CCNB3: variants seen among roughly 807,000 people sequenced by gnomAD.
The protein encoded by CCNB3 is G2/mitotic-specific cyclin-B3.
In CCNB3, 12 loss-of-function variants were observed where a neutral mutation model predicts 68.0. That is an observed-to-expected ratio of 0.18 (90% confidence interval 0.11 to 0.29). CCNB3 has a LOEUF of 0.29. Ranked by LOEUF, CCNB3 falls within the 10% of genes least tolerant of loss-of-function variation. The pLI is 1.00. For synonymous variants in CCNB3, 354 were observed against 388.9 expected (o/e 0.91, Z 1.06); for missense variants, 904 against 993.1 (o/e 0.91, Z 1.21).
chrX:50,210,582 T>G (rs1296309637), intron 1 of CCNB3, among the ~76,000 whole-genome samples: 1 of 111,604 alleles, frequency 9.0e-6, no homozygotes, highest in Admixed American at 9.6e-5. Context: ...GTTACTTGTC[T>G]ACAATGATGA....
At chrX:50,205,533 C>A (rs1935342048) in intron 1 of CCNB3, among the ~76,000 whole-genome samples, 2 of 111,813 alleles carry the variant, frequency 1.8e-5, no homozygotes, top group Middle Eastern at 9.4e-3. Context: ...ATGTATTAAA[C>A]ATTACAGCTG....
intron 8 of CCNB3, among the ~76,000 whole-genome samples, chrX:50,318,523 C>T (rs782412651): frequency 1.1e-4 from 12 of 111,694 alleles, no homozygotes; most frequent in Non-Finnish European, 1.7e-4. Flanking sequence ...AAAACAACAA[C>T]AACAACAACA....
At chrX:50,299,664 C>A (rs1936576498) in intron 5 of CCNB3, among the ~76,000 whole-genome samples, 1 of 110,984 alleles carries the variant, frequency 9.0e-6, no homozygotes, top group South Asian at 3.8e-4. Context: ...TGGTGCAGAG[C>A]TGAGTTCAAT....
chrX:50,297,968 T>C (rs1557211524), intron 5 of CCNB3, among the ~76,000 whole-genome samples: 1 of 112,046 alleles, frequency 8.9e-6, no homozygotes, highest in African/African-American at 3.2e-5. Context: ...TTGTGATTTT[T>C]GCACATGGAT....
chrX:50,299,017 C>G (rs1363123707), intron 5 of CCNB3, among the ~76,000 whole-genome samples: 2 of 111,301 alleles, frequency 1.8e-5, no homozygotes, highest in Non-Finnish European at 3.8e-5. Flanking sequence ...TTTGATTCTT[C>G]TCTGTTTTCT....
intron 9 of CCNB3, among the ~76,000 whole-genome samples, chrX:50,344,658 T>C (rs1473530355): frequency 8.9e-6 from 1 of 111,959 alleles, no homozygotes; most frequent in African/African-American, 3.3e-5. Context: ...GGAGTCTCAA[T>C]CTGCTTATAT....
chrX:50,227,017 A>C (rs1463972131), intron 1 of CCNB3, among the ~76,000 whole-genome samples: 1 of 79,128 alleles, frequency 1.3e-5, no homozygotes, highest in Non-Finnish European at 2.2e-5. Flanking sequence ...AAAATATATA[A>C]AATATATATA....
intron 1 of CCNB3, among the ~76,000 whole-genome samples, chrX:50,212,129 C>T (rs1448941981): frequency 2.5e-4 from 28 of 112,117 alleles, no homozygotes; most frequent in Middle Eastern, 4.2e-3. Flanking sequence ...TCACATTCTG[C>T]CTTGTGGTGT....
intron 5 of CCNB3, among the ~76,000 whole-genome samples, chrX:50,305,382 G>A (rs1419879656): frequency 1.1e-4 from 12 of 111,108 alleles, no homozygotes; most frequent in Non-Finnish European, 2.3e-4. Context: ...GGAAACCACT[G>A]TTCTCAGCAA....
At chrX:50,226,822 A>C (rs1444861279) in intron 1 of CCNB3, among the ~76,000 whole-genome samples, 2 of 78,561 alleles carry the variant, frequency 2.5e-5, no homozygotes, top group Non-Finnish European at 4.5e-5. Flanking sequence ...ATATATAAAT[A>C]TATACATGAA....
Position 50,294,872 on chromosome X carries a change from T to C in CCNB3, c.214T>C (p.Cys72Arg). The C allele has an allele frequency of 8.3e-7, 1 of 1,201,119 alleles. No individual in the cohort carries two copies. Among genetic ancestry groups the C allele is most frequent in the Non-Finnish European group, 1.1e-6 (1 of 890,798 alleles). ...AFEDLTNASQ[C>R]QPVQPKKEAN... is the part of the protein sequence containing the mutation. The stretch of plus-strand genomic sequence containing the variant: ...ACCTTTTTTTTTGCAGGCTTCTCAA[T>C]GTCAACCTGTCCAGCCCAAGAAAGA... The change falls in exon 5 of 13, where the codon TGT becomes CGT. Residue 72 changes from cysteine (C) to arginine (R), a missense_variant. Cys to Arg is a radical substitution (Grantham distance 180, BLOSUM62 -3). Around this residue, in one of 2 missense-constraint regions of CCNB3, gnomAD observed 619 missense variants for 609.8 expected, o/e 1.02. Coordinates refer to ENST00000376042, the MANE Select transcript of CCNB3 (RefSeq NM_033031.3).
Position 50,227,816 on chromosome X carries a change from A to G in CCNB3, c.-113+22866A>G, listed in dbSNP as rs1227307117. ...ATATATAGAGAATAAATATAAATAT[A>G]TAGAGAATATATAAATATATATAGA... is the stretch of plus-strand genomic sequence containing the variant. On this transcript the variant is annotated intron_variant, in intron 1 of 12. Transcript: ENST00000376042. Among the ~76,000 whole-genome samples the G allele has an allele frequency of 7.5e-3, 644 of 86,107 alleles. 9 individuals carry two copies. Among genetic ancestry groups the G allele is most frequent in the Middle Eastern group, 0.035 (2 of 57 alleles). The allele number at this position is 86,107 out of a possible 115,157, so 74.8% of individuals were successfully genotyped here.
At chrX:50,217,529 C>T (rs1935597827) in intron 1 of CCNB3, among the ~76,000 whole-genome samples, 1 of 110,727 alleles carries the variant, frequency 9.0e-6, no homozygotes, top group African/African-American at 3.3e-5. Flanking sequence ...ACCTTGGCCT[C>T]CCAAAGTGCT....
At chrX:50,222,893 C>T (rs1398980874) in intron 1 of CCNB3, among the ~76,000 whole-genome samples, 1 of 111,646 alleles carries the variant, frequency 9.0e-6, no homozygotes. Flanking sequence ...CTGTCACTTT[C>T]AGGTACACGA....
In CCNB3 at chrX:50,344,081, A is replaced by AAATCTTTTAAAT. The variant is rs1923273899; in HGVS notation, c.3654+1742_3654+1743insAATCTTTTAAAT. On this transcript the variant is annotated intron_variant, in intron 9 of 12. Coordinates refer to ENST00000376042, the MANE Select transcript of CCNB3 (RefSeq NM_033031.3). ...ATCTTTTATGCTGTATTGTTACTGT[A>AAATCTTTTAAAT]CTTTTTCTGTTTAGATAGCCTAAAC... Among the ~76,000 whole-genome samples, 6 of 112,179 alleles carry AAATCTTTTAAAT rather than the reference A, an allele frequency of 5.3e-5. 1 individual carries two copies. In the South Asian group the frequency reaches 2.2e-3, roughly 42 times the overall value.
chrX:50,295,856 C>T (rs1477153291), intron 5 of CCNB3, among the ~76,000 whole-genome samples: 1 of 111,073 alleles, frequency 9.0e-6, no homozygotes, highest in Non-Finnish European at 1.9e-5. Flanking sequence ...TGGTGCGGTG[C>T]CATACTGGTT....
intron 9 of CCNB3, among the ~76,000 whole-genome samples, chrX:50,343,865 A>G (rs1008728113): frequency 2.2e-4 from 25 of 112,463 alleles, no homozygotes; most frequent in Admixed American, 2.2e-3. Context: ...TTAATTTATT[A>G]TCGAAGAAAA....
intron 1 of CCNB3, among the ~76,000 whole-genome samples, chrX:50,228,643 TATATATAGA>T (rs1363524648): frequency 2.6e-3 from 218 of 82,372 alleles, no homozygotes; most frequent in Non-Finnish European, 4.3e-3. Flanking sequence ...ACATATAGAA[TATATATAGA>T]ATATATAGAA....
Position 50,351,668 on chromosome X carries a change from A to G in CCNB3, c.4153A>G (p.Asn1385Asp), listed in dbSNP as rs1557221212. ...LDMLKLEEIL[N>D]CDCEAQGLVL ...TATGTTGAAGCTGGAGGAGATTTTG[A>G]ACTGTGATTGTGAGGCTCAGGGCCT... The change falls in exon 13 of 13, where the codon AAC becomes GAC. Residue 1385 changes from asparagine to aspartate, a missense_variant. By Grantham distance (23) the Asn-to-Asp change is conservative. Coordinates refer to ENST00000376042, the MANE Select transcript of CCNB3 (RefSeq NM_033031.3). 1 of 1,211,544 alleles carries G rather than the reference A, an allele frequency of 8.3e-7. No homozygotes were observed. Among genetic ancestry groups the G allele is most frequent in the Admixed American group, 2.2e-5 (1 of 46,028 alleles).
Sources: gnomAD v4.1 joint callset for allele counts (sites outside exome capture counted in the v4.1 genomes callset) on GRCh38, gnomAD v4.1.1 for gene constraint, gnomAD v4.1.1 regional missense constraint, MANE v1.5 for transcripts, NCBI Gene and HGNC (gene_info 2026-07-23, HGNC 2026-07-21) for gene names.